SDK1: variants seen among roughly 807,000 people sequenced by gnomAD.
SDK1 encodes the protein protein sidekick-1.
A neutral mutation model predicts 245.5 loss-of-function variants in SDK1; 157 were observed. The observed-to-expected ratio is 0.64, with a 90% CI of 0.56 to 0.73. The LOEUF (loss-of-function observed/expected upper bound fraction) is 0.73. Among genes scored for constraint, SDK1 ranks in the 30% least tolerant of loss-of-function variants. The pLI is 0.00. For missense variants in SDK1, 3,583 were observed against 3,002.3 expected, an observed-to-expected ratio of 1.19 and a Z score of -4.52; for synonymous variants, 1,647 against 1,278.5, an observed-to-expected ratio of 1.29 and a Z score of -6.15.
intron 1 of SDK1, among the ~76,000 whole-genome samples, chr7:3,435,411 A>G (rs1187598418): frequency 7.2e-6 from 1 of 139,558 alleles, no homozygotes; most frequent in Non-Finnish European, 1.5e-5. Flanking sequence ...GCTCACTGCA[A>G]CCTCTGCCTC....
chr7:4,156,503 T>C (rs1455456918), intron 30 of SDK1, among the ~76,000 whole-genome samples: 2 of 152,114 alleles, frequency 1.3e-5, no homozygotes, highest in African/African-American at 4.8e-5. Context: ...GTGCCTGCGG[T>C]CAGGGACTGG....
intron 4 of SDK1, among the ~76,000 whole-genome samples, chr7:3,787,303 A>G (rs1303865660): frequency 2.6e-5 from 4 of 152,144 alleles, no homozygotes; most frequent in Non-Finnish European, 5.9e-5. Flanking sequence ...TATTTTTTCT[A>G]TACATAAGCA....
chr7:3,412,680 A>T (rs1054737077), intron 1 of SDK1, among the ~76,000 whole-genome samples: 23 of 152,310 alleles, frequency 1.5e-4, no homozygotes, highest in African/African-American at 5.3e-4. Context: ...ATTTTGAAAG[A>T]TGTAGCCAGG....
intron 17 of SDK1, among the ~76,000 whole-genome samples, chr7:4,024,194 A>G (rs1454648713): frequency 6.6e-6 from 1 of 152,250 alleles, no homozygotes; most frequent in Non-Finnish European, 1.5e-5. Context: ...TGGAAAAAAC[A>G]TTTGGTTATC....
chr7:3,618,061 G>A (rs1226021608), intron 1 of SDK1, among the ~76,000 whole-genome samples: 1 of 152,088 alleles, frequency 6.6e-6, no homozygotes, highest in Non-Finnish European at 1.5e-5. Flanking sequence ...TTATTTTGCT[G>A]ATAAAGAAAC....
At chr7:3,979,068 C>T (rs1049749595) in intron 13 of SDK1, among the ~76,000 whole-genome samples, 2 of 152,218 alleles carry the variant, frequency 1.3e-5, no homozygotes, top group Admixed American at 6.5e-5. Context: ...GGCTGCTGGA[C>T]AGCAGTGGGG....
At chr7:3,723,695 C>T (rs995174700) in intron 4 of SDK1, among the ~76,000 whole-genome samples, 9 of 147,190 alleles carry the variant, frequency 6.1e-5, no homozygotes, top group Non-Finnish European at 1.0e-4. Context: ...TGTATATACA[C>T]GTACATATAC....
At chr7:3,907,804 G>T (rs989956378) in intron 5 of SDK1, among the ~76,000 whole-genome samples, 1 of 152,196 alleles carries the variant, frequency 6.6e-6, no homozygotes, top group Non-Finnish European at 1.5e-5. Context: ...AGAGCAAACT[G>T]CTTAGTCCTA....
At chr7:3,324,616 C>A (rs1779897322) in intron 1 of SDK1, among the ~76,000 whole-genome samples, 1 of 152,132 alleles carries the variant, frequency 6.6e-6, no homozygotes, top group South Asian at 2.1e-4. Context: ...CATTGTATAA[C>A]TGTAATTTTT....
chr7:3,809,179 A>G (rs1160301946), intron 4 of SDK1, among the ~76,000 whole-genome samples: 1 of 152,134 alleles, frequency 6.6e-6, no homozygotes, highest in Non-Finnish European at 1.5e-5. Flanking sequence ...GAGGCGCGCT[A>G]CATGGCGAGA....
At chr7:3,939,274 G>A (rs1468296485) in intron 5 of SDK1, among the ~76,000 whole-genome samples, 1 of 152,234 alleles carries the variant, frequency 6.6e-6, no homozygotes, top group African/African-American at 2.4e-5. Flanking sequence ...TTTGGCATTC[G>A]TGATTGCCTT....
chr7:3,565,883 G>A (rs937748569), intron 1 of SDK1, among the ~76,000 whole-genome samples: 1 of 152,184 alleles, frequency 6.6e-6, no homozygotes, highest in Non-Finnish European at 1.5e-5. Flanking sequence ...CAGTTGATCA[G>A]ATCCATAGAT....
chr7:3,782,305 T>C (rs937951515), intron 4 of SDK1, among the ~76,000 whole-genome samples: 6 of 152,310 alleles, frequency 3.9e-5, no homozygotes, highest in Non-Finnish European at 7.3e-5. Flanking sequence ...CCAGATCTTG[T>C]GTGAACTCAT....
At chr7:3,871,273 G>T (rs6961925) in intron 5 of SDK1, among the ~76,000 whole-genome samples, 7,771 of 151,580 alleles carry the variant, frequency 0.051, 617 homozygotes, top group African/African-American at 0.17. Flanking sequence ...CTTTTATCTC[G>T]CCATCTTGCT....
intron 1 of SDK1, among the ~76,000 whole-genome samples, chr7:3,425,227 A>G (rs1210959005): frequency 1.3e-5 from 2 of 151,746 alleles, no homozygotes; most frequent in African/African-American, 4.8e-5. Flanking sequence ...GCTCAGGGAG[A>G]CAGGCCTGTT....
chr7:3,513,627 T>C (rs1449383017), intron 1 of SDK1, among the ~76,000 whole-genome samples: 1 of 152,208 alleles, frequency 6.6e-6, no homozygotes, highest in East Asian at 1.9e-4. Flanking sequence ...TCGTAATAGT[T>C]TTAAAATAAT....
chr7:3,514,804 C>T (rs1012657779), intron 1 of SDK1, among the ~76,000 whole-genome samples: 4 of 152,192 alleles, frequency 2.6e-5, no homozygotes. Context: ...ATTTGTATTA[C>T]TAAAGAGAAA....
chr7:3,633,872 C>T (rs1782376461), intron 2 of SDK1, among the ~76,000 whole-genome samples: 1 of 152,054 alleles, frequency 6.6e-6, no homozygotes, highest in African/African-American at 2.4e-5. Flanking sequence ...GGAACTGGTC[C>T]TCTGAGGGTC....
chr7:4,119,232 C>T (rs1406505617), intron 25 of SDK1, among the ~76,000 whole-genome samples: 1 of 148,052 alleles, frequency 6.8e-6, no homozygotes, highest in Admixed American at 6.7e-5. Flanking sequence ...GGAGGATTAC[C>T]AGGAGCTTAA....
Sources: gnomAD v4.1 joint callset for allele counts (sites outside exome capture counted in the v4.1 genomes callset) on GRCh38, gnomAD v4.1.1 for gene constraint, MANE v1.5 for transcripts, NCBI Gene and HGNC (gene_info 2026-07-23, HGNC 2026-07-21) for gene names.